PHKB: variants seen among roughly 807,000 people sequenced by gnomAD.
The protein encoded by PHKB is phosphorylase kinase regulatory subunit beta.
In PHKB, 122 loss-of-function variants were observed where a neutral mutation model predicts 152.1. The ratio of observed to expected loss-of-function variants is 0.80; its 90% CI spans 0.69 to 0.93. The LOEUF (loss-of-function observed/expected upper bound fraction) is 0.93. PHKB is among the 40% of genes least tolerant of loss of function. PHKB has a pLI of 0.00. For synonymous variants in PHKB, 436 were observed against 464.9 expected (o/e 0.94, Z 0.80); for missense variants, 1,304 against 1,328.4 (o/e 0.98, Z 0.29).
At chr16:47,551,141 C>T (rs1299715234) in intron 7 of PHKB, among the ~76,000 whole-genome samples, 2 of 151,464 alleles carry the variant, frequency 1.3e-5, no homozygotes, top group Admixed American at 1.3e-4. Flanking sequence ...TGGTCTATTT[C>T]GTTAATCTTT....
chr16:47,698,601 C>CTTTTTTTTTTT lies in PHKB; in HGVS notation c.3144+24_3144+34dup. 2 of 730,286 alleles carry CTTTTTTTTTTT rather than the reference C, an allele frequency of 2.7e-6. No individual in the cohort carries two copies. The highest frequency in any genetic ancestry group is 1.8e-6 in the Non-Finnish European group (1 of 550,888). 45.2% of individuals were successfully genotyped at this position (730,286 alleles called of 1,614,324 possible). On this transcript the variant is annotated intron_variant, in intron 30 of 30. Transcript: ENST00000323584. ...AATTGAAAAACAAGTAAGTACACAG[C>CTTTTTTTTTTT]TTTTTTTTTTTTTTTTTTTTTGAGA...
intron 7 of PHKB, among the ~76,000 whole-genome samples, chr16:47,560,313 A>G (rs1169702252): frequency 6.6e-6 from 1 of 152,230 alleles, no homozygotes; most frequent in Non-Finnish European, 1.5e-5. Context: ...AAAACTGCAA[A>G]GAAATGTTGA....
chr16:47,596,556 T>C, intron 13 of PHKB, 25 bp downstream of exon 13: 2 of 1,605,972 alleles, frequency 1.2e-6, no homozygotes, highest in Non-Finnish European at 1.7e-6. Flanking sequence ...TTGGGAATGG[T>C]ATTTTTTTCC....
chr16:47,565,913 G>C, intron 7 of PHKB: 1 of 1,081,406 alleles, frequency 9.2e-7, no homozygotes, highest in East Asian at 2.4e-5. Flanking sequence ...GATTCAGTTT[G>C]GGTCTTTGTG....
At chr16:47,515,738 GGTT>G in intron 6 of PHKB, 137 bp downstream of exon 6, 1 of 651,542 alleles carries the variant, frequency 1.5e-6, no homozygotes, top group East Asian at 2.7e-5. Flanking sequence ...AGTAGATGTT[GGTT>G]GTTGAATGAA....
chr16:47,693,316 G>A, intron 27 of PHKB, 62 bp from the exon 28 acceptor site: 3 of 1,569,778 alleles, frequency 1.9e-6, no homozygotes, highest in Non-Finnish European at 2.6e-6. Context: ...CATATTGAAA[G>A]CCCTGCTGTC....
intron 7 of PHKB, among the ~76,000 whole-genome samples, chr16:47,553,957 T>C (rs943795369): frequency 2.0e-5 from 3 of 152,140 alleles, no homozygotes; most frequent in African/African-American, 7.2e-5. Flanking sequence ...GGATCTCTCC[T>C]GTATGAGATA....
At chr16:47,518,463 A>G (rs888380802) in intron 6 of PHKB, among the ~76,000 whole-genome samples, 5 of 152,178 alleles carry the variant, frequency 3.3e-5, no homozygotes, top group African/African-American at 1.2e-4. Flanking sequence ...GTGCACCTTT[A>G]CAAAGGGGCA....
chr16:47,514,507 A>G (rs376001163), intron 5 of PHKB, among the ~76,000 whole-genome samples: 1 of 152,144 alleles, frequency 6.6e-6, no homozygotes, highest in Admixed American at 6.5e-5. Flanking sequence ...TGAGAGCAAG[A>G]ATTCACCCTT....
At chr16:47,499,936 A>G in intron 3 of PHKB, 42 bp downstream of exon 3, 1 of 1,612,214 alleles carries the variant, frequency 6.2e-7, no homozygotes, top group Non-Finnish European at 8.5e-7. Flanking sequence ...GAGAGTGGAT[A>G]ATAGGGTTTT....
chr16:47,595,113 G>A (rs1462660016), intron 12 of PHKB, among the ~76,000 whole-genome samples: 1 of 152,154 alleles, frequency 6.6e-6, no homozygotes, highest in Non-Finnish European at 1.5e-5. Context: ...GAGAAATAAT[G>A]TATTAAATTT....
chr16:47,475,622 G>T (rs191978867), intron 1 of PHKB, among the ~76,000 whole-genome samples: 2 of 152,138 alleles, frequency 1.3e-5, no homozygotes, highest in Non-Finnish European at 2.9e-5. Context: ...TTTGCTAAAT[G>T]TAGGAAATAG....
Position 47,561,506 on chromosome 16 carries a change from C to G in PHKB, c.710+13958C>G, listed in dbSNP as rs531009963. ...GAATTCTCTTTTTTAAAGTCAGAGT[C>G]ATCACACTGGACTTTTTGTGAATGC... On this transcript the variant is annotated intron_variant, in intron 7 of 30. Transcript: ENST00000323584. 3 of 152,324 alleles carry G rather than the reference C, an allele frequency of 2.0e-5. No individual in the cohort carries two copies. In the South Asian group the frequency reaches 6.2e-4, roughly 32 times the overall value. The allele number at this position is 152,324 out of a possible 1,614,324, so 9.4% of individuals were successfully genotyped here. A position where few individuals can be genotyped will look rare whatever the true frequency, so the allele number is the denominator to read the frequency against.
At chr16:47,547,642 C>A in intron 7 of PHKB, 94 bp downstream of exon 7, 1 of 769,480 alleles carries the variant, frequency 1.3e-6, no homozygotes, top group Non-Finnish European at 2.2e-6. Context: ...AACTGTGATT[C>A]ATATGTTAAT....
At chr16:47,522,586 G>A (rs1309842820) in intron 6 of PHKB, among the ~76,000 whole-genome samples, 1 of 148,906 alleles carries the variant, frequency 6.7e-6, no homozygotes, top group Non-Finnish European at 1.5e-5. Context: ...GTTGGTTTAG[G>A]TTCATTTTTC....
At chr16:47,476,578 CT>C (rs1969872417) in intron 1 of PHKB, among the ~76,000 whole-genome samples, 1 of 152,172 alleles carries the variant, frequency 6.6e-6, no homozygotes. Flanking sequence ...TCAGTGCACT[CT>C]TTCTTCTGCT....
chr16:47,514,293 G>A (rs1256155902), intron 5 of PHKB, among the ~76,000 whole-genome samples: 1 of 152,136 alleles, frequency 6.6e-6, no homozygotes, highest in Non-Finnish European at 1.5e-5. Flanking sequence ...CCCATGAGAG[G>A]CCATCTGCAA....
At chr16:47,681,055 T>C (rs570576342) in intron 26 of PHKB, among the ~76,000 whole-genome samples, 1 of 152,344 alleles carries the variant, frequency 6.6e-6, no homozygotes, top group South Asian at 2.1e-4. Context: ...AGCAGGTTGT[T>C]CAGTTTCCAT....
rs117861728 is a variant in PHKB at position 47,700,007 on chromosome 16, C to A, written c.*641C>A. 9.4e-3 allele frequency: 1,455 copies of A among 154,994 alleles called. 8 individuals are homozygous for A. Among genetic ancestry groups the A allele is most frequent in the Non-Finnish European group, 0.016 (1,082 of 69,788 alleles). 9.6% of individuals were successfully genotyped at this position (154,994 alleles called of 1,614,324 possible). ...AAATCTGTACCTTATCAAACATTTT[C>A]TTTGAGCTCCTGCTAAAAATAGGAC... On this transcript the variant is annotated 3_prime_UTR_variant, in exon 31 of 31. Coordinates refer to ENST00000323584, the MANE Select transcript of PHKB (RefSeq NM_000293.3).
Sources: gnomAD v4.1 joint callset for allele counts (sites outside exome capture counted in the v4.1 genomes callset) on GRCh38, gnomAD v4.1.1 for gene constraint, MANE v1.5 for transcripts, NCBI Gene and HGNC (gene_info 2026-07-23, HGNC 2026-07-21) for gene names.